Variants in TNFRSF1B observed in about 807,000 individuals in gnomAD.
TNFRSF1B encodes tumor necrosis factor receptor superfamily member 1B.
TNFRSF1B carries 19 observed loss-of-function variants against 44.6 expected under a neutral mutation model. The ratio of observed to expected loss-of-function variants is 0.43; its 90% CI spans 0.30 to 0.62. TNFRSF1B has a LOEUF of 0.62. TNFRSF1B is among the 20% of genes least tolerant of loss of function. TNFRSF1B has a pLI of 0.16. For synonymous variants in TNFRSF1B, 252 were observed against 261.1 expected, an observed-to-expected ratio of 0.97 and a Z score of 0.34; for missense variants, 541 against 619.9, an observed-to-expected ratio of 0.87 and a Z score of 1.35.
At chr1:12,200,882 A>G (rs530567426) in intron 8 of TNFRSF1B, among the ~76,000 whole-genome samples, 1 of 152,236 alleles carries the variant, frequency 6.6e-6, no homozygotes, top group East Asian at 1.9e-4. Flanking sequence ...CAGCCTCCCA[A>G]AGTGTTGGGA....
chr1:12,189,586 A>T (rs525891), intron 2 of TNFRSF1B, among the ~76,000 whole-genome samples: 33,043 of 152,154 alleles, frequency 0.22, 3,683 homozygotes, highest in South Asian at 0.26. Flanking sequence ...TCATGTCATG[A>T]TTATAAGGTA....
At position 12,168,785 on chromosome 1, in the gene TNFRSF1B, G is replaced by T. The variant is rs1444392815; in HGVS notation, c.78+1616G>T. Reference sequence around the variant, plus strand: ...CCCGGACTATTGCCGCAGCCTTGTAGCTGGTCTCCCGGCCCTGCCCCCTCT... The same window carrying T: ...CCCGGACTATTGCCGCAGCCTTGTATCTGGTCTCCCGGCCCTGCCCCCTCT... On this transcript the variant is annotated intron_variant, in intron 1 of 9. Coordinates refer to ENST00000376259, the MANE Select transcript of TNFRSF1B (RefSeq NM_001066.3). This position sits in a 1 kb window ranked among gnomAD's most constrained non-coding sequence, Gnocchi z 4.7. 6.6e-6 allele frequency among the ~76,000 whole-genome samples: 1 copy of T among 152,066 alleles called. No individual in the cohort carries two copies. The highest frequency in any genetic ancestry group is 1.5e-5 in the Non-Finnish European group (1 of 68,004).
chr1:12,172,890 A>G (rs1445650019), intron 1 of TNFRSF1B, among the ~76,000 whole-genome samples: 1 of 152,228 alleles, frequency 6.6e-6, no homozygotes, highest in Non-Finnish European at 1.5e-5. Context: ...ACAAGGCTTC[A>G]GTTTGCAAGA....
At chr1:12,188,465 AC>A (rs1395386502) in intron 1 of TNFRSF1B, among the ~76,000 whole-genome samples, 1 of 151,814 alleles carries the variant, frequency 6.6e-6, no homozygotes, top group Non-Finnish European at 1.5e-5. Context: ...TGTGCTGAGA[AC>A]CCCCGTTCTC....
Position 12,178,590 on chromosome 1 carries a change from A to G in TNFRSF1B, c.79-10206A>G, listed in dbSNP as rs1461399732. ...AGTATAGAGATGCACCCGGGTTGTC[A>G]CAGGAGCCCCTAGGAGGGACCTCTG... On this transcript the variant is annotated intron_variant, in intron 1 of 9. Transcript: ENST00000376259. This position sits in a 1 kb window ranked among gnomAD's most constrained non-coding sequence, Gnocchi z 4.3. Among the ~76,000 whole-genome samples, 3 of 152,074 alleles carry G rather than the reference A, an allele frequency of 2.0e-5. No homozygotes were observed. Among genetic ancestry groups the G allele is most frequent in the Non-Finnish European group, 2.9e-5 (2 of 67,988 alleles).
chr1:12,201,410 T>C (rs1410050849), intron 8 of TNFRSF1B, among the ~76,000 whole-genome samples: 2 of 151,904 alleles, frequency 1.3e-5, no homozygotes, highest in African/African-American at 2.4e-5. Context: ...TTTACAAATA[T>C]TCAGCCATCT....
At position 12,193,003 on chromosome 1, in the gene TNFRSF1B, C is replaced by T; in HGVS notation, c.692C>T (p.Pro231Leu). 6.2e-7 allele frequency: 1 copy of T among 1,614,242 alleles called. No homozygotes were observed. The highest frequency in any genetic ancestry group is 1.1e-5 in the South Asian group (1 of 91,086). ...STRSQHTQPT[P>L]EPSTAPSTSF... ...CGATCCCAACACACGCAGCCAACTC[C>T]AGAACCCAGCACTGCTCCAAGCACC... The change falls in exon 6 of 10, where the codon CCA (proline) becomes CTA (leucine). Residue 231 changes from proline (P) to leucine (L), a missense_variant. Transcript: ENST00000376259.
chr1:12,192,734 G>A, intron 5 of TNFRSF1B, 129 bp from the exon 6 acceptor site: 2 of 900,344 alleles, frequency 2.2e-6, no homozygotes, highest in Non-Finnish European at 3.4e-6. Flanking sequence ...AGGGCTAGGA[G>A]GGGGTGGTCC....
At chr1:12,193,215 G>A (rs1274363727) in intron 6 of TNFRSF1B, 117 bp downstream of exon 6, 2 of 924,074 alleles carry the variant, frequency 2.2e-6, no homozygotes, top group Admixed American at 2.0e-5. Context: ...CCTGTGCCCT[G>A]TCCTGGGATA....
At chr1:12,167,203 G>T in intron 1 of TNFRSF1B, 34 bp downstream of exon 1, 1 of 1,238,784 alleles carries the variant, frequency 8.1e-7, no homozygotes, top group South Asian at 3.0e-5. Flanking sequence ...GGGGACAGCC[G>T]CCCCGCATGT....
chr1:12,191,975 A>G (rs773044555), intron 4 of TNFRSF1B, 52 bp downstream of exon 4: 6 of 1,579,206 alleles, frequency 3.8e-6, no homozygotes, highest in Admixed American at 3.5e-5. Flanking sequence ...TCTCCTTTGT[A>G]GACATCCTTG....
chr1:12,205,351 C>T (rs1486764189), intron 9 of TNFRSF1B, among the ~76,000 whole-genome samples: 3 of 151,780 alleles, frequency 2.0e-5, no homozygotes, highest in South Asian at 2.1e-4. Flanking sequence ...GGTCTTGGAG[C>T]GGCAGGAGAG....
At chr1:12,200,765 G>A (rs923035532) in intron 8 of TNFRSF1B, among the ~76,000 whole-genome samples, 5 of 152,116 alleles carry the variant, frequency 3.3e-5, no homozygotes, top group African/African-American at 9.7e-5. Flanking sequence ...TGGGATTACA[G>A]GCATGAGCCA....
chr1:12,178,850 G>T lies in TNFRSF1B; in HGVS notation c.79-9946G>T, dbSNP rs1409559355. Among the ~76,000 whole-genome samples the T allele has an allele frequency of 2.0e-5, 3 of 152,150 alleles. No homozygotes were observed. The highest frequency in any genetic ancestry group is 4.8e-5 in the African/African-American group (2 of 41,420). On this transcript the variant is annotated intron_variant, in intron 1 of 9. Coordinates refer to ENST00000376259, the MANE Select transcript of TNFRSF1B (RefSeq NM_001066.3). This position sits in a 1 kb window ranked among gnomAD's most constrained non-coding sequence, Gnocchi z 4.3. ...GGTTGCGCAGGTGGTGGCAGCCGCT[G>T]GAAGCTTTTAAGGAGAGTCAGGCTT...
chr1:12,204,701 C>T (rs1229475003), intron 9 of TNFRSF1B, among the ~76,000 whole-genome samples: 1 of 152,222 alleles, frequency 6.6e-6, no homozygotes, highest in Non-Finnish European at 1.5e-5. Flanking sequence ...GGATCTCCTG[C>T]ATCTGGCTCC....
rs1350572446 is a variant in TNFRSF1B, at chr1:12,169,596, G to C, written c.78+2427G>C. 6.6e-6 allele frequency among the ~76,000 whole-genome samples: 1 copy of C among 152,222 alleles called. No individual in the cohort carries two copies. Among genetic ancestry groups the C allele is most frequent in the African/African-American group, 2.4e-5 (1 of 41,456 alleles). ...TCACACACAGTGGGTTCTCAGGATG[G>C]AAGTCAACTGAGCTGCAGAAGAAGC... is the stretch of plus-strand genomic sequence containing the variant. On this transcript the variant is annotated intron_variant, in intron 1 of 9. Transcript: ENST00000376259. This position sits in a 1 kb window ranked among gnomAD's most constrained non-coding sequence, Gnocchi z 4.5.
intron 5 of TNFRSF1B, 46 bp from the exon 6 acceptor site, chr1:12,192,817 C>T: frequency 6.5e-7 from 1 of 1,531,712 alleles, no homozygotes; most frequent in Non-Finnish European, 8.9e-7. Context: ...CCACCCCAGC[C>T]ACTCTGTCCC....
chr1:12,202,005 C>A lies in TNFRSF1B; in HGVS notation c.939C>A (p.Gly313=). 1 of 1,613,066 alleles carries A rather than the reference C, an allele frequency of 6.2e-7. No individual in the cohort carries two copies. The highest frequency in any genetic ancestry group is 1.1e-5 in the South Asian group (1 of 90,930). Residue 313 remains glycine (G), a synonymous_variant, in exon 9 of 10, where the codon GGC becomes GGA. Transcript: ENST00000376259. ...CCGATAAGGCCCGGGGTACACAGGG[C>A]CCCGAGCAGCAGCACCTGCTGATCA... The part of the protein sequence containing the change: ...LPADKARGTQ[G]PEQQHLLITA...
At position 12,178,659 on chromosome 1, in the gene TNFRSF1B, A is replaced by G. The variant is rs1453489874; in HGVS notation, c.79-10137A>G. On this transcript the variant is annotated intron_variant, in intron 1 of 9. Coordinates refer to ENST00000376259, the MANE Select transcript of TNFRSF1B (RefSeq NM_001066.3). The surrounding 1 kb of genome is among the most constrained non-coding windows in gnomAD (Gnocchi z 4.3). ...CAGAGGGAACTCTTGAAAGAAGCTGAGAAGTCAGCACTGCCAGGTCGGGGG... is the reference window on the plus strand; with the variant it reads ...CAGAGGGAACTCTTGAAAGAAGCTGGGAAGTCAGCACTGCCAGGTCGGGGG... Among the ~76,000 whole-genome samples the G allele has an allele frequency of 6.6e-6, 1 of 152,152 alleles. No homozygotes were observed. The highest frequency in any genetic ancestry group is 1.5e-5 in the Non-Finnish European group (1 of 68,022).
Sources: allele counts gnomAD v4.1 joint callset (sites outside exome capture counted in the v4.1 genomes callset), GRCh38; gene constraint gnomAD v4.1.1; non-coding constraint Gnocchi (gnomAD v3.1); transcripts MANE v1.5; gene names NCBI Gene and HGNC (gene_info 2026-07-23, HGNC 2026-07-21).